Variants in KAZN observed in about 807,000 individuals in gnomAD.
KAZN encodes kazrin.
In KAZN, 40 loss-of-function variants were observed where a neutral mutation model predicts 87.4. That is an observed-to-expected ratio of 0.46 (90% CI 0.36 to 0.60). KAZN has a LOEUF of 0.60. Among genes scored for constraint, KAZN ranks in the 20% least tolerant of loss-of-function variants. The pLI, the probability that KAZN is intolerant of heterozygous loss-of-function variation, is 0.00. For synonymous variants in KAZN, 466 were observed against 458.3 expected, an observed-to-expected ratio of 1.02 and a Z score of -0.22; for missense variants, 898 against 1,073.9, an observed-to-expected ratio of 0.84 and a Z score of 2.29.
At chr1:15,009,696 T>C (rs1422777852) in intron 2 of KAZN, among the ~76,000 whole-genome samples, 1 of 152,234 alleles carries the variant, frequency 6.6e-6, no homozygotes, top group Non-Finnish European at 1.5e-5. Flanking sequence ...AGGCATAAAA[T>C]GTCTTCTGCT....
At position 14,599,600 on chromosome 1, in the gene KAZN, TC is replaced by T. The variant is rs1349695030; in HGVS notation, c.226+383del. ...CCCCCGCAGGGGTGAATGGCACAGT[TC>T]CCCCCACTTCCTTAGGCTCCTTCCC... On this transcript the variant is annotated intron_variant, in intron 1 of 14. Coordinates refer to ENST00000376030, the MANE Select transcript of KAZN (RefSeq NM_201628.3). This position sits in a 1 kb window ranked among gnomAD's most constrained non-coding sequence, Gnocchi z 4.4. Among the ~76,000 whole-genome samples, 2 of 151,942 alleles carry T rather than the reference TC, an allele frequency of 1.3e-5. No individual in the cohort carries two copies. Among genetic ancestry groups the T allele is most frequent in the Non-Finnish European group, 2.9e-5 (2 of 67,964 alleles).
intron 1 of KAZN, among the ~76,000 whole-genome samples, chr1:14,838,514 CCTT>C (rs1647550956): frequency 6.6e-6 from 1 of 152,184 alleles, no homozygotes; most frequent in South Asian, 2.1e-4. Context: ...AACTTTATCT[CCTT>C]CTGTTCAGCT....
intron 1 of KAZN, among the ~76,000 whole-genome samples, chr1:14,788,466 GC>G (rs752027150): frequency 4.1e-4 from 62 of 150,098 alleles, no homozygotes; most frequent in Admixed American, 1.2e-3. Context: ...TCATGGGGAG[GC>G]AGCCTTCAAG....
chr1:14,852,866 G>T (rs1649628147), intron 1 of KAZN, among the ~76,000 whole-genome samples: 1 of 152,192 alleles, frequency 6.6e-6, no homozygotes, highest in African/African-American at 2.4e-5. Context: ...CTAGGAGCTT[G>T]TTGGAAATGC....
chr1:14,074,875 A>C (rs1428426332), intron 1 of KAZN, among the ~76,000 whole-genome samples: 3 of 152,244 alleles, frequency 2.0e-5, no homozygotes. Flanking sequence ...TCAATTAAAT[A>C]AAGGTGTTGG....
chr1:14,519,000 C>G (rs1277447438), intron 2 of KAZN, among the ~76,000 whole-genome samples: 1 of 152,066 alleles, frequency 6.6e-6, no homozygotes, highest in Non-Finnish European at 1.5e-5. Context: ...AATAATGAGG[C>G]AAGTATTTTG....
At chr1:14,098,921 G>A (rs544642712) in intron 1 of KAZN, among the ~76,000 whole-genome samples, 3 of 152,328 alleles carry the variant, frequency 2.0e-5, no homozygotes, top group South Asian at 2.1e-4. Flanking sequence ...CAGAGGCCAG[G>A]GAGGGGAGAA....
At chr1:14,319,668 C>A (rs1407431065) in intron 2 of KAZN, among the ~76,000 whole-genome samples, 1 of 152,172 alleles carries the variant, frequency 6.6e-6, no homozygotes, top group African/African-American at 2.4e-5. Context: ...AGTGTAAGCT[C>A]CGGGCAGAAC....
intron 1 of KAZN, among the ~76,000 whole-genome samples, chr1:14,004,865 G>A (rs1195802419): frequency 1.3e-5 from 2 of 152,044 alleles, no homozygotes; most frequent in African/African-American, 2.4e-5. Context: ...GGGTTATCAC[G>A]GGGGTGGGGA....
chr1:13,921,931 C>G (rs1640084086), intron 1 of KAZN, among the ~76,000 whole-genome samples: 1 of 152,018 alleles, frequency 6.6e-6, no homozygotes, highest in African/African-American at 2.4e-5. Flanking sequence ...GCGTCCAGCC[C>G]CAGTTGTTTG....
intron 2 of KAZN, among the ~76,000 whole-genome samples, chr1:14,419,051 A>G (rs534687860): frequency 6.6e-6 from 1 of 152,340 alleles, no homozygotes; most frequent in Non-Finnish European, 1.5e-5. Context: ...CAAGGATGCT[A>G]TATATTTTTA....
intron 1 of KAZN, among the ~76,000 whole-genome samples, chr1:14,113,163 C>A (rs1412969689): frequency 6.6e-6 from 1 of 152,204 alleles, no homozygotes; most frequent in East Asian, 1.9e-4. Flanking sequence ...TGGGGATCCC[C>A]ATGCAATTTC....
At chr1:14,576,706 T>G (rs1181210446) in intron 2 of KAZN, among the ~76,000 whole-genome samples, 1 of 152,224 alleles carries the variant, frequency 6.6e-6, no homozygotes, top group African/African-American at 2.4e-5. Flanking sequence ...AGGCTCTGTC[T>G]AGACACCTCT....
intron 2 of KAZN, among the ~76,000 whole-genome samples, chr1:14,265,224 G>A (rs1286713446): frequency 3.9e-5 from 6 of 152,150 alleles, no homozygotes; most frequent in Non-Finnish European, 8.8e-5. Context: ...ACACTATTGT[G>A]GCTGAAGAGA....
At chr1:13,942,564 AAAAAAAAATGTATAT>A (rs1640975877) in intron 1 of KAZN, among the ~76,000 whole-genome samples, 1 of 145,012 alleles carries the variant, frequency 6.9e-6, no homozygotes. Context: ...AAAAAAAAAA[AAAAAAAAATGTATAT>A]ATATAATTCA....
At chr1:14,695,225 A>C (rs1166155814) in intron 1 of KAZN, among the ~76,000 whole-genome samples, 1 of 152,154 alleles carries the variant, frequency 6.6e-6, no homozygotes, top group Non-Finnish European at 1.5e-5. Flanking sequence ...CCACACAGAC[A>C]CTGGAAGATT....
intron 1 of KAZN, among the ~76,000 whole-genome samples, chr1:13,976,964 T>G (rs970852382): frequency 1.2e-4 from 19 of 152,198 alleles, no homozygotes; most frequent in African/African-American, 4.6e-4. Context: ...CAAGGAAATA[T>G]TTTTCTTCAT....
intron 2 of KAZN, among the ~76,000 whole-genome samples, chr1:14,392,775 C>G (rs1256355155): frequency 6.6e-6 from 1 of 152,116 alleles, no homozygotes; most frequent in Non-Finnish European, 1.5e-5. Flanking sequence ...CAAAACTGCA[C>G]TAGTTAAGAA....
chr1:14,575,055 G>T (rs1675095933), intron 2 of KAZN, among the ~76,000 whole-genome samples: 1 of 152,162 alleles, frequency 6.6e-6, no homozygotes. Flanking sequence ...GGTTCAGATG[G>T]ACCCTTTATT....
Sources: allele counts gnomAD v4.1 joint callset (sites outside exome capture counted in the v4.1 genomes callset), GRCh38; gene constraint gnomAD v4.1.1; non-coding constraint Gnocchi (gnomAD v3.1); transcripts MANE v1.5; gene names NCBI Gene and HGNC (gene_info 2026-07-23, HGNC 2026-07-21).